The following PADI2 variants were observed in gnomAD, a reference collection of about 807,000 sequenced individuals.
PADI2 encodes peptidyl arginine deiminase 2, also known as protein-arginine deiminase type-2.
PADI2 carries 70 observed loss-of-function variants against 81.1 expected under a neutral mutation model. The observed-to-expected ratio is 0.86, with a 90% CI of 0.71 to 1.05. The LOEUF (loss-of-function observed/expected upper bound fraction) is 1.05, where lower values mean the gene tolerates loss of function less well. Among genes scored for constraint, PADI2 ranks in the 50% least tolerant of loss-of-function variants. PADI2 has a pLI of 0.00. For synonymous variants in PADI2, 338 were observed against 358.0 expected (o/e 0.94, Z 0.63); for missense variants, 853 against 889.9 (o/e 0.96, Z 0.53).
intron 14 of PADI2, 146 bp downstream of exon 14, chr1:17,071,260 G>A (rs1189656759): frequency 5.0e-6 from 3 of 605,508 alleles, no homozygotes; most frequent in African/African-American, 1.9e-5. Flanking sequence ...CTGGATGCTG[G>A]TGGAGGCTCT....
At chr1:17,082,680 G>T in intron 9 of PADI2, 28 bp from the exon 10 acceptor site, 1 of 1,385,066 alleles carries the variant, frequency 7.2e-7, no homozygotes, top group Non-Finnish European at 1.0e-6. Flanking sequence ...AGAACTGTTA[G>T]ACGAATCCAG....
At chr1:17,112,966 ATC>A (rs1157980154) in intron 1 of PADI2, among the ~76,000 whole-genome samples, 1 of 152,142 alleles carries the variant, frequency 6.6e-6, no homozygotes, top group East Asian at 1.9e-4. Flanking sequence ...CCTGCCAGTT[ATC>A]TCTGCCCCTG....
In PADI2 at chr1:17,092,479, G is replaced by A; in HGVS notation, c.584C>T (p.Pro195Leu). The A allele has an allele frequency of 6.2e-7, 1 of 1,603,044 alleles. No individual in the cohort carries two copies. The change falls in exon 6 of 16, where the codon CCC (proline) becomes CTC (leucine). Residue 195 changes from proline (P) to leucine (L), a missense_variant. Pro to Leu is a moderately conservative substitution (Grantham distance 98). Coordinates refer to ENST00000375486, the MANE Select transcript of PADI2 (RefSeq NM_007365.3). Reference protein sequence around the residue: ...ILRTKGPDRLPAGYEIVLYIS... With the variant: ...ILRTKGPDRLLAGYEIVLYIS... Reference sequence around the variant, plus strand: ...GTACAGAACTATCTCGTATCCGGCGGGGAGGCGGTCGGGGCCTTTGGTCCG... The same window carrying A: ...GTACAGAACTATCTCGTATCCGGCGAGGAGGCGGTCGGGGCCTTTGGTCCG...
At chr1:17,076,299 CTG>C (rs1487574137) in intron 11 of PADI2, among the ~76,000 whole-genome samples, 4 of 151,942 alleles carry the variant, frequency 2.6e-5, no homozygotes, top group Admixed American at 6.6e-5. Context: ...ACTGCAACCT[CTG>C]CCTCCCGGGT....
At position 17,105,032 on chromosome 1, in the gene PADI2, C is replaced by T. The variant is rs1247423558; in HGVS notation, c.122G>A (p.Ser41Asn). The T allele has an allele frequency of 2.5e-6, 4 of 1,593,800 alleles. No homozygotes were observed. Among genetic ancestry groups the T allele is most frequent in the Non-Finnish European group, 3.4e-6 (4 of 1,166,628 alleles). The change falls in exon 2 of 16, where the codon AGC (serine) becomes AAC (asparagine). Residue 41 changes from serine to asparagine, a missense_variant. Coordinates refer to ENST00000375486, the MANE Select transcript of PADI2 (RefSeq NM_007365.3). ...SAAPAGAQTF[S>N]LKHSEHVWVE... ...CCACACGTGTTCCGAGTGCTTCAGG[C>T]TGAAGGTTTGGGCCCCGGCTGGGGC...
At chr1:17,105,662 G>A (rs945102352) in intron 1 of PADI2, among the ~76,000 whole-genome samples, 7 of 152,062 alleles carry the variant, frequency 4.6e-5, no homozygotes, top group African/African-American at 1.7e-4. Context: ...CCAAAGTGCT[G>A]GGATTACAGG....
In PADI2 at chr1:17,119,065, G is replaced by C. The variant is rs1466906716; in HGVS notation, c.92+215C>G. Among the ~76,000 whole-genome samples, 1 of 152,060 alleles carries C rather than the reference G, an allele frequency of 6.6e-6. No homozygotes were observed. Among genetic ancestry groups the C allele is most frequent in the Non-Finnish European group, 1.5e-5 (1 of 68,016 alleles). On this transcript the variant is annotated intron_variant, in intron 1 of 15. Transcript: ENST00000375486. This position sits in a 1 kb window ranked among gnomAD's most constrained non-coding sequence, Gnocchi z 4.8. ...GGAGCTGGGGCTGAGGCTGTGTTAG[G>C]GGGTCTGGGAGAGTCTCAGGGTTTC...
chr1:17,088,925 A>AAAAACAAAAAAC (rs1553182378), intron 6 of PADI2, among the ~76,000 whole-genome samples: 44 of 83,370 alleles, frequency 5.3e-4, no homozygotes, highest in East Asian at 1.7e-3. Flanking sequence ...AAAAAAAAAA[A>AAAAACAAAAAAC]AAAAAACCAA....
intron 12 of PADI2, chr1:17,075,271 T>A: frequency 3.2e-6 from 1 of 317,150 alleles, no homozygotes; most frequent in Non-Finnish European, 5.9e-6. Flanking sequence ...TGAAAGAACC[T>A]CTTTCCAGTG....
chr1:17,073,575 A>T (rs1214718521), intron 13 of PADI2, among the ~76,000 whole-genome samples: 1 of 152,156 alleles, frequency 6.6e-6, no homozygotes, highest in African/African-American at 2.4e-5. Context: ...CATGTTGGAC[A>T]TAAGGATGGC....
rs751981107 is a variant in PADI2 at position 17,104,937 on chromosome 1, G to A, written c.217C>T (p.Pro73Ser). The A allele has an allele frequency of 4.4e-6, 7 of 1,606,342 alleles. No individual in the cohort carries two copies. The highest frequency in any genetic ancestry group is 5.1e-6 in the Non-Finnish European group (6 of 1,178,530). Residue 73 changes from proline to serine, a missense_variant, in exon 2 of 16, where the codon CCC becomes TCC. By Grantham distance (74) the Pro-to-Ser change is moderately conservative. Transcript: ENST00000375486. ...TNGKQRWLLS[P>S]STTLRVTMSQ... ...ATGGTGACCCGCAGGGTGGTGCTGGGCGAGAGAAGCCAGCGCTGCTTGCCA... is the reference window on the plus strand; with the variant it reads ...ATGGTGACCCGCAGGGTGGTGCTGGACGAGAGAAGCCAGCGCTGCTTGCCA...
chr1:17,080,183 C>T (rs192544577), intron 10 of PADI2, among the ~76,000 whole-genome samples: 8 of 152,328 alleles, frequency 5.3e-5, no homozygotes, highest in African/African-American at 9.6e-5. Context: ...CTACCCTCTG[C>T]GCAGTAAGAG....
intron 8 of PADI2, 39 bp from the exon 9 acceptor site, chr1:17,083,876 G>C: frequency 3.3e-6 from 4 of 1,195,758 alleles, no homozygotes; most frequent in Non-Finnish European, 5.0e-6. Context: ...CAGGAGAAAG[G>C]GTGAGGAGGG....
At position 17,075,723 on chromosome 1, in the gene PADI2, G is replaced by A; in HGVS notation, c.1411C>T (p.His471Tyr). 1 of 1,614,084 alleles carries A rather than the reference G, an allele frequency of 6.2e-7. No homozygotes were observed. The highest frequency in any genetic ancestry group is 8.5e-7 in the Non-Finnish European group (1 of 1,180,002). Residue 471 changes from histidine (H) to tyrosine (Y), a missense_variant, in exon 12 of 16, where the codon CAC (histidine) becomes TAC (tyrosine). By Grantham distance (83) the His-to-Tyr change is moderately conservative (BLOSUM62 2). Coordinates refer to ENST00000375486, the MANE Select transcript of PADI2 (RefSeq NM_007365.3). ...ACAAAGGACATGAACTCATCCACGT[G>A]GCCCACAGTCAGCCAGTCTGAGTAG... Reference protein sequence around the residue: ...ELYSDWLTVGHVDEFMSFVPI... With the variant: ...ELYSDWLTVGYVDEFMSFVPI...
chr1:17,098,470 G>A (rs1044632423), intron 3 of PADI2, among the ~76,000 whole-genome samples: 5 of 152,176 alleles, frequency 3.3e-5, no homozygotes, highest in Non-Finnish European at 5.9e-5. Flanking sequence ...TTTGGACATA[G>A]TACAAACAAA....
rs920489380 is a variant in PADI2 at position 17,075,036 on chromosome 1, C to T, written c.1456-87G>A. The T allele has an allele frequency of 9.3e-6, 7 of 754,912 alleles. No homozygotes were observed. The African/African-American group carries it at 1.0e-4, about 11-fold the overall frequency. The allele number at this position is 754,912 out of a possible 1,614,324, so 46.8% of individuals were successfully genotyped here. A position where few individuals can be genotyped will look rare whatever the true frequency, so the allele number is the denominator to read the frequency against. ...AGGCCCTGCGCTGAGGACCCAGTGC[C>T]TTGCCTGCTCATTGCCTCAGGCCTC... On this transcript the variant is annotated intron_variant, in intron 12 of 15. Coordinates refer to ENST00000375486, the MANE Select transcript of PADI2 (RefSeq NM_007365.3).
chr1:17,084,852 G>A lies in PADI2; in HGVS notation c.835-150C>T, dbSNP rs1570985966. On this transcript the variant is annotated intron_variant, in intron 7 of 15. Coordinates refer to ENST00000375486, the MANE Select transcript of PADI2 (RefSeq NM_007365.3). ...GCCTGTGCTAAGTACTTTCACATGT[G>A]CCAATTCTTTTCTGCCTTCCGACCA... The A allele has an allele frequency of 5.2e-6, 3 of 578,370 alleles. No homozygotes were observed. In the South Asian group the frequency reaches 6.3e-5, roughly 12 times the overall value. The allele number at this position is 578,370 out of a possible 1,614,324, so 35.8% of individuals were successfully genotyped here.
intron 11 of PADI2, among the ~76,000 whole-genome samples, chr1:17,078,273 G>A (rs181774557): frequency 9.6e-4 from 146 of 152,022 alleles, no homozygotes; most frequent in African/African-American, 3.3e-3. Context: ...CACCACGCCC[G>A]GCTAATTTTG....
intron 3 of PADI2, among the ~76,000 whole-genome samples, chr1:17,099,003 C>T (rs532840814): frequency 1.3e-5 from 2 of 152,318 alleles, no homozygotes; most frequent in South Asian, 4.1e-4. Context: ...GCTCTGGATC[C>T]CACCTCAGTT....
Sources: gnomAD v4.1 joint callset for allele counts (sites outside exome capture counted in the v4.1 genomes callset) on GRCh38, gnomAD v4.1.1 for gene constraint, Gnocchi (gnomAD v3.1) non-coding constraint, MANE v1.5 for transcripts, NCBI Gene and HGNC (gene_info 2026-07-23, HGNC 2026-07-21) for gene names.